Variants in APBB2 observed in about 807,000 individuals in gnomAD.
The protein encoded by APBB2 is Fe65-like 1.
Under a neutral mutation model 82.5 loss-of-function variants are expected in APBB2, and 38 were observed. The ratio of observed to expected loss-of-function variants is 0.46; its 90% CI spans 0.36 to 0.60. The LOEUF (loss-of-function observed/expected upper bound fraction) is 0.60, where lower values mean the gene tolerates loss of function less well. Among genes scored for constraint, APBB2 ranks in the 20% least tolerant of loss-of-function variants. The pLI is 0.00. For missense variants in APBB2, 772 were observed against 972.3 expected (o/e 0.79, Z 2.74); for synonymous variants, 341 against 368.2 (o/e 0.93, Z 0.85).
intron 13 of APBB2, among the ~76,000 whole-genome samples, chr4:40,828,704 CGCAATGCT>C (rs1750803688): frequency 6.6e-6 from 1 of 152,202 alleles, no homozygotes; most frequent in African/African-American, 2.4e-5. Context: ...GGGAGCAGGC[CGCAATGCT>C]GCAAATGGCA....
intron 6 of APBB2, among the ~76,000 whole-genome samples, chr4:41,011,144 T>C (rs1808235998): frequency 6.8e-6 from 1 of 146,712 alleles, no homozygotes; most frequent in Non-Finnish European, 1.5e-5. Flanking sequence ...AATTGATTAT[T>C]ATTGTTTTTT....
At chr4:40,870,802 G>A (rs993791056) in intron 12 of APBB2, among the ~76,000 whole-genome samples, 14 of 145,810 alleles carry the variant, frequency 9.6e-5, no homozygotes, top group South Asian at 4.3e-4. Context: ...GCACGATCCC[G>A]GCTCACTGCA....
intron 11 of APBB2, among the ~76,000 whole-genome samples, chr4:40,891,266 T>A (rs1560809632): frequency 6.6e-6 from 1 of 152,198 alleles, no homozygotes; most frequent in Non-Finnish European, 1.5e-5. Flanking sequence ...CACTCTGGTG[T>A]CCCATCTCCC....
chr4:40,886,718 C>T (rs1028650218), intron 12 of APBB2, among the ~76,000 whole-genome samples: 6 of 152,090 alleles, frequency 3.9e-5, no homozygotes, highest in Admixed American at 2.6e-4. Flanking sequence ...TGGCCTCAGT[C>T]GCCAAGGGCA....
chr4:41,140,935 A>C (rs560380665), intron 2 of APBB2, among the ~76,000 whole-genome samples: 1 of 152,366 alleles, frequency 6.6e-6, no homozygotes, highest in African/African-American at 2.4e-5. Flanking sequence ...AATGAGTTGC[A>C]AAATTATTTC....
intron 12 of APBB2, among the ~76,000 whole-genome samples, chr4:40,868,740 T>TA (rs1308260735): frequency 2.0e-5 from 3 of 152,214 alleles, no homozygotes; most frequent in Non-Finnish European, 2.9e-5. Flanking sequence ...CTAAATTACT[T>TA]ACCTCAAGCA....
chr4:41,013,410 A>G (rs1808929559), intron 6 of APBB2, among the ~76,000 whole-genome samples, 173 bp downstream of exon 6: 1 of 152,320 alleles, frequency 6.6e-6, no homozygotes, highest in Admixed American at 6.5e-5. Context: ...GACCTAAAAT[A>G]TGGTTGAGGA....
At chr4:41,007,543 G>A (rs777016758) in intron 6 of APBB2, among the ~76,000 whole-genome samples, 21 of 152,134 alleles carry the variant, frequency 1.4e-4, no homozygotes, top group East Asian at 7.7e-4. Flanking sequence ...CTATAGACTC[G>A]AATAGAATAA....
At chr4:41,003,926 T>C (rs7689668) in intron 6 of APBB2, among the ~76,000 whole-genome samples, 9,417 of 152,262 alleles carry the variant, frequency 0.062, 973 homozygotes, top group African/African-American at 0.22. Flanking sequence ...TTGGCCAGGC[T>C]GGTCTTGAAC....
intron 12 of APBB2, among the ~76,000 whole-genome samples, chr4:40,849,861 G>A (rs1017914945): frequency 1.4e-4 from 20 of 147,066 alleles, no homozygotes; most frequent in African/African-American, 5.1e-4. Flanking sequence ...TCGAGTAGCT[G>A]AGATTACTCG....
intron 10 of APBB2, among the ~76,000 whole-genome samples, chr4:40,919,739 T>C (rs936109406): frequency 6.6e-6 from 1 of 152,210 alleles, no homozygotes; most frequent in African/African-American, 2.4e-5. Flanking sequence ...AGACAAAAAT[T>C]ATACTTGATG....
At chr4:41,175,411 T>C (rs1769482684) in intron 1 of APBB2, among the ~76,000 whole-genome samples, 1 of 152,190 alleles carries the variant, frequency 6.6e-6, no homozygotes, top group African/African-American at 2.4e-5. Context: ...CTGTCGTTTT[T>C]AAAAATAAAT....
In APBB2 at chr4:40,816,089, C is replaced by A; in HGVS notation, c.*3G>T. On this transcript the variant is annotated 3_prime_UTR_variant, in exon 18 of 18. Transcript: ENST00000508593. ...AAATAGCCGAGTCCTTTTGCATGTG[C>A]AGCTATGGCATTTCGGTGACAGGGC... The A allele has an allele frequency of 6.2e-7, 1 of 1,611,162 alleles. No individual in the cohort carries two copies. The highest frequency in any genetic ancestry group is 8.5e-7 in the Non-Finnish European group (1 of 1,177,490).
At position 41,163,506 on chromosome 4, in the gene APBB2, A is replaced by G. The variant is rs578151536; in HGVS notation, c.-416-20364T>C. Among the ~76,000 whole-genome samples, 4 of 152,330 alleles carry G rather than the reference A, an allele frequency of 2.6e-5. No homozygotes were observed. In the East Asian group the frequency reaches 5.8e-4, roughly 22 times the overall value. On this transcript the variant is annotated intron_variant, in intron 1 of 17. Transcript: ENST00000508593. ...TAAAAGATAATATAAGCTGATTTTC[A>G]GCTTTCAGAGAAAGAAGATTACTTT... is the stretch of plus-strand genomic sequence containing the variant.
chr4:40,826,953 A>C lies in APBB2; in HGVS notation c.1732+179T>G. ...TCATCCTGGCTTTATGCCTAACCCTAGTGATGCAAAATCAACTCTGTGCCT... is the reference window on the plus strand; with the variant it reads ...TCATCCTGGCTTTATGCCTAACCCTCGTGATGCAAAATCAACTCTGTGCCT... On this transcript the variant is annotated intron_variant, in intron 14 of 17. Transcript: ENST00000508593. The surrounding 1 kb of genome is among the most constrained non-coding windows in gnomAD (Gnocchi z 4.5). 1 of 586,384 alleles carries C rather than the reference A, an allele frequency of 1.7e-6. No individual in the cohort carries two copies. Among genetic ancestry groups the C allele is most frequent in the South Asian group, 2.2e-5 (1 of 46,204 alleles). 36.3% of individuals were successfully genotyped at this position (586,384 alleles called of 1,614,324 possible).
At chr4:41,002,723 G>C (rs1356282938) in intron 6 of APBB2, among the ~76,000 whole-genome samples, 1 of 152,174 alleles carries the variant, frequency 6.6e-6, no homozygotes, top group Non-Finnish European at 1.5e-5. Context: ...CAATTTCTAA[G>C]CACTGGCATC....
intron 1 of APBB2, among the ~76,000 whole-genome samples, chr4:41,198,893 G>A (rs1023869513): frequency 5.3e-5 from 8 of 152,146 alleles, no homozygotes; most frequent in Non-Finnish European, 1.0e-4. Flanking sequence ...CCTTCTGTGT[G>A]TCTGTGTGTC....
Position 40,825,700 on chromosome 4 carries a change from G to A in APBB2, c.1816+187C>T, listed in dbSNP as rs540498084. ...GCTGGGGATGACAGGTCAAAGCAGC[G>A]GGGCCTGTCCCTCTACTCATCTTTT... On this transcript the variant is annotated intron_variant, in intron 15 of 17. Coordinates refer to ENST00000508593, the MANE Select transcript of APBB2 (RefSeq NM_004307.2). The A allele has an allele frequency of 5.7e-5, 33 of 574,918 alleles. No homozygotes were observed. In the East Asian group the frequency reaches 7.8e-4, roughly 14 times the overall value. The allele number at this position is 574,918 out of a possible 1,614,324, so 35.6% of individuals were successfully genotyped here.
chr4:41,012,621 T>C (rs776890193), intron 6 of APBB2, among the ~76,000 whole-genome samples: 3 of 152,194 alleles, frequency 2.0e-5, no homozygotes, highest in Non-Finnish European at 2.9e-5. Flanking sequence ...TCCTTATCTT[T>C]AGTCCTTGTA....
Sources: allele counts gnomAD v4.1 joint callset (sites outside exome capture counted in the v4.1 genomes callset), GRCh38; gene constraint gnomAD v4.1.1; non-coding constraint Gnocchi (gnomAD v3.1); transcripts MANE v1.5; gene names NCBI Gene and HGNC (gene_info 2026-07-23, HGNC 2026-07-21).